Variants in ZNF91 observed in about 807,000 individuals in gnomAD.
ZNF91 encodes zinc finger protein 91, also known as zinc finger protein 91 (HPF7, HTF10).
ZNF91 carries 7 observed loss-of-function variants against 12.6 expected under a neutral mutation model. That is an observed-to-expected ratio of 0.55 (90% CI 0.31 to 1.04). The LOEUF is 1.04. ZNF91 is among the 50% of genes least tolerant of loss of function. The pLI, the probability that ZNF91 is intolerant of heterozygous loss-of-function variation, is 0.05. For missense variants in ZNF91, 1,217 were observed against 1,385.4 expected (o/e 0.88, Z 1.93); for synonymous variants, 453 against 462.6 (o/e 0.98, Z 0.27).
intron 3 of ZNF91, chr19:23,339,666 G>A (rs1016977052): frequency 1.3e-5 from 2 of 152,116 alleles, no homozygotes; most frequent in Non-Finnish European, 2.9e-5. Flanking sequence ...TTGACCAGGG[G>A]TGGTGGCTCC....
intron 1 of ZNF91, among the ~76,000 whole-genome samples, chr19:23,330,288 GC>G (rs1433761320): frequency 2.0e-5 from 3 of 151,600 alleles, no homozygotes; most frequent in Non-Finnish European, 4.4e-5. Flanking sequence ...CCGAGATTGT[GC>G]CACTGCACTC....
downstream of ZNF91, among the ~76,000 whole-genome samples, chr19:23,336,862 C>A (rs915991604): frequency 6.6e-6 from 1 of 152,106 alleles, no homozygotes; most frequent in Non-Finnish European, 1.5e-5. Context: ...CTCCGCCCCC[C>A]AGGTTCATGC....
At position 23,361,974 on chromosome 19, in the gene ZNF91, T is replaced by A. The variant is rs747064893; in HGVS notation, c.1005A>T (p.Ser335=). Residue 335 remains serine (S), a synonymous_variant, in exon 4 of 4, where the codon TCA becomes TCT. Coordinates refer to ENST00000300619, the MANE Select transcript of ZNF91 (RefSeq NM_003430.4). ...EECGKAFSRS[S]TLAKHKRIHT... ...GAATTCTCTTATGTTTAGCAAGGGTTGAAGAACGGCTAAAAGCTTTGCCAC... is the reference window on the plus strand; with the variant it reads ...GAATTCTCTTATGTTTAGCAAGGGTAGAAGAACGGCTAAAAGCTTTGCCAC... 6 of 1,613,398 alleles carry A rather than the reference T, an allele frequency of 3.7e-6. No individual in the cohort carries two copies. Among genetic ancestry groups the A allele is most frequent in the Non-Finnish European group, 5.1e-6 (6 of 1,179,810 alleles).
chr19:23,360,333 G>A lies in ZNF91; in HGVS notation c.2646C>T (p.Ser882=). The stretch of plus-strand genomic sequence containing the variant: ...ATGCTTTGTCACATTCTTCACTCTT[G>A]GAAGGTTTCTCTTTAGTATGAATTA... ...HKIIHTKEKP[S]KSEECDKAFI... Residue 882 remains serine (S), a synonymous_variant, in exon 4 of 4, where the codon TCC becomes TCT. Coordinates refer to ENST00000300619, the MANE Select transcript of ZNF91 (RefSeq NM_003430.4). The A allele has an allele frequency of 6.2e-7, 1 of 1,614,006 alleles. No individual in the cohort carries two copies. Among genetic ancestry groups the A allele is most frequent in the Non-Finnish European group, 8.5e-7 (1 of 1,179,982 alleles).
chr19:23,368,428 T>C (rs1246930147), intron 3 of ZNF91, among the ~76,000 whole-genome samples: 3 of 151,386 alleles, frequency 2.0e-5, no homozygotes, highest in Non-Finnish European at 2.9e-5. Context: ...GGCAGAAGAA[T>C]TGCTTGAACC....
rs1968579704 is a variant in ZNF91 at position 23,358,965 on chromosome 19, ATGAGT to A, written c.*433_*437del. On this transcript the variant is annotated 3_prime_UTR_variant, in exon 4 of 4. Coordinates refer to ENST00000300619, the MANE Select transcript of ZNF91 (RefSeq NM_003430.4). ...CACACTTGTAAGATTTCTCTCCAATATGAGTTATCTTATCTGTAGTAAGGTGTGAA... is the reference window on the plus strand; with the variant it reads ...CACACTTGTAAGATTTCTCTCCAATATATCTTATCTGTAGTAAGGTGTGAA... 1 of 369,064 alleles carries A rather than the reference ATGAGT, an allele frequency of 2.7e-6. No homozygotes were observed. Among genetic ancestry groups the A allele is most frequent in the African/African-American group, 2.2e-5 (1 of 46,450 alleles). The allele number at this position is 369,064 out of a possible 1,614,324, so 22.9% of individuals were successfully genotyped here.
intron 1 of ZNF91, among the ~76,000 whole-genome samples, chr19:23,323,676 CCTCCTCTACTTCTCCTT>C (rs1967767158): frequency 7.4e-6 from 1 of 135,272 alleles, no homozygotes; most frequent in Non-Finnish European, 1.5e-5. Flanking sequence ...CTTCTCTCCT[CCTCCTCTACTTCTCCTT>C]CTTTATCCTC....
intron 3 of ZNF91, among the ~76,000 whole-genome samples, chr19:23,372,967 T>C (rs1969345122): frequency 6.6e-6 from 1 of 152,216 alleles, no homozygotes; most frequent in African/African-American, 2.4e-5. Context: ...ATATTCACTC[T>C]GTCCAAAAAT....
chr19:23,373,346 TTATA>T (rs200251921), intron 3 of ZNF91, among the ~76,000 whole-genome samples: 8,702 of 85,012 alleles, frequency 0.1, 313 homozygotes, highest in East Asian at 0.18. Flanking sequence ...TCATGTAATC[TTATA>T]TATATATATA....
At position 23,374,296 on chromosome 19, in the gene ZNF91, C is replaced by G. The variant is rs575295452; in HGVS notation, c.157+342G>C. On this transcript the variant is annotated intron_variant, in intron 2 of 3. Coordinates refer to ENST00000300619, the MANE Select transcript of ZNF91 (RefSeq NM_003430.4). Reference sequence around the variant, plus strand: ...ACAGAAATGAAGCCTGTAATCCCAGCACTCTGGGAGGCCAAGGCGGGCAGA... The same window carrying G: ...ACAGAAATGAAGCCTGTAATCCCAGGACTCTGGGAGGCCAAGGCGGGCAGA... Among the ~76,000 whole-genome samples the G allele has an allele frequency of 9.4e-4, 142 of 151,368 alleles. 1 individual carries two copies. Among genetic ancestry groups the G allele is most frequent in the Middle Eastern group, 3.4e-3 (1 of 292 alleles).
chr19:23,337,076 C>T (rs919118055), downstream of ZNF91, among the ~76,000 whole-genome samples: 3 of 151,962 alleles, frequency 2.0e-5, no homozygotes, highest in African/African-American at 7.3e-5. Context: ...TTTATGGTAT[C>T]CATCACTCGA....
At chr19:23,350,779 G>C (rs1484552652) in intron 3 of ZNF91, among the ~76,000 whole-genome samples, 1 of 152,140 alleles carries the variant, frequency 6.6e-6, no homozygotes, top group African/African-American at 2.4e-5. Flanking sequence ...GACTGAGAGG[G>C]AGGCTGTCCG....
chr19:23,330,387 T>A (rs1967908848), intron 1 of ZNF91, among the ~76,000 whole-genome samples: 3 of 152,052 alleles, frequency 2.0e-5, no homozygotes, highest in Admixed American at 2.0e-4. Context: ...ATGAAAGTCT[T>A]ATTGGGATGC....
At chr19:23,322,281 T>C (rs1276862926) in intron 1 of ZNF91, among the ~76,000 whole-genome samples, 4 of 152,116 alleles carry the variant, frequency 2.6e-5, no homozygotes, top group Admixed American at 6.5e-5. Context: ...GAAAGTATTG[T>C]GATGTATTGC....
At chr19:23,368,544 CTCTCTCT>C (rs1568391181) in intron 3 of ZNF91, among the ~76,000 whole-genome samples, 2 of 117,344 alleles carry the variant, frequency 1.7e-5, no homozygotes. Context: ...CTCTCTCTCT[CTCTCTCT>C]CTCTCTCTCT....
rs553868508 is a variant in ZNF91 at position 23,360,889 on chromosome 19, C to T, written c.2090G>A (p.Arg697Gln). 3.6e-5 allele frequency: 58 copies of T among 1,612,042 alleles called. 1 individual carries two copies. In the East Asian group the frequency reaches 4.0e-4, roughly 11 times the overall value. Residue 697 changes from arginine (R) to glutamine (Q), a missense_variant, in exon 4 of 4, where the codon CGA becomes CAA. This residue lies in a region of ZNF91 where 726 missense variants were observed against 895.5 expected (regional missense o/e 0.81). Transcript: ENST00000300619. ...TTTATGTTTAGTAAGGGTTGAGAGT[C>T]GCTTAAAAGTTTTGTCACATTCTTT... The part of the protein sequence containing the change: ...KCKECDKTFK[R>Q]LSTLTKHKII...
chr19:23,348,930 T>C (rs1235144327), intron 3 of ZNF91, among the ~76,000 whole-genome samples: 1 of 151,844 alleles, frequency 6.6e-6, no homozygotes, highest in East Asian at 1.9e-4. Context: ...GTTCTGGGAG[T>C]GTCTGTCTTA....
At chr19:23,331,815 A>G (rs1217149784) in intron 1 of ZNF91, among the ~76,000 whole-genome samples, 1 of 152,198 alleles carries the variant, frequency 6.6e-6, no homozygotes, top group Admixed American at 6.5e-5. Context: ...AACACTGGTC[A>G]AATTCTTATG....
At chr19:23,373,372 ATATATATATAT>A (rs1969367067) in intron 3 of ZNF91, among the ~76,000 whole-genome samples, 1 of 88,510 alleles carries the variant, frequency 1.1e-5, no homozygotes, top group African/African-American at 4.0e-5. Context: ...ATATATATAT[ATATATATATAT>A]ATAAATAAAC....
Sources: gnomAD v4.1 joint callset for allele counts (sites outside exome capture counted in the v4.1 genomes callset) on GRCh38, gnomAD v4.1.1 for gene constraint, gnomAD v4.1.1 regional missense constraint, MANE v1.5 for transcripts, NCBI Gene and HGNC (gene_info 2026-07-23, HGNC 2026-07-21) for gene names.